Variants in RMST observed in about 807,000 individuals in gnomAD.
RMST encodes the protein rhabdomyosarcoma 2 associated transcript.
intron 11 of RMST, among the ~76,000 whole-genome samples, chr12:97,552,812 C>T (rs1883395983): frequency 6.6e-6 from 1 of 152,158 alleles, no homozygotes; most frequent in African/African-American, 2.4e-5. Context: ...CATTTTAGTG[C>T]CTCTCGAGTT....
chr12:97,527,669 G>A (rs891040944), intron 10 of RMST, among the ~76,000 whole-genome samples: 3 of 119,290 alleles, frequency 2.5e-5, no homozygotes, highest in Admixed American at 8.3e-5. Flanking sequence ...AAAATTGTAC[G>A]ATCTACAGGT....
At chr12:97,507,967 G>A (rs1878880469) in intron 10 of RMST, among the ~76,000 whole-genome samples, 2 of 152,086 alleles carry the variant, frequency 1.3e-5, no homozygotes, top group Non-Finnish European at 2.9e-5. Context: ...CTATGGAAAC[G>A]AAGGCAAAAA....
Position 97,531,394 on chromosome 12 carries a change from A to G in RMST, n.1545+535A>G, listed in dbSNP as rs901811428. Among the ~76,000 whole-genome samples, 18 of 152,070 alleles carry G rather than the reference A, an allele frequency of 1.2e-4. 1 individual carries two copies. The highest frequency in any genetic ancestry group is 1.5e-5 in the Non-Finnish European group (1 of 67,958). On this transcript the variant is annotated intron_variant and non_coding_transcript_variant, in intron 11 of 13. Transcript: ENST00000640149. ...TAAAACAACATTTATAAAGACGACT[A>G]TCTCTTGAAATTATGTTCTATTTTC...
intron 13 of RMST, among the ~76,000 whole-genome samples, chr12:97,562,174 A>G (rs1316520726): frequency 6.6e-6 from 1 of 152,128 alleles, no homozygotes; most frequent in Non-Finnish European, 1.5e-5. Flanking sequence ...GCCCTTCAGT[A>G]CTGATCCAAA....
intron 10 of RMST, among the ~76,000 whole-genome samples, chr12:97,504,179 A>G (rs1002085133): frequency 6.6e-6 from 1 of 152,162 alleles, no homozygotes; most frequent in African/African-American, 2.4e-5. Flanking sequence ...CGAGACAGGC[A>G]GATCACTTGA....
chr12:97,545,209 A>G (rs1882844133), intron 11 of RMST, among the ~76,000 whole-genome samples: 3 of 152,050 alleles, frequency 2.0e-5, no homozygotes, highest in Admixed American at 6.6e-5. Flanking sequence ...AGCAACAATC[A>G]TCATCACCAT....
intron 5 of RMST, among the ~76,000 whole-genome samples, chr12:97,473,148 A>T (rs913367797): frequency 6.6e-6 from 1 of 152,132 alleles, no homozygotes; most frequent in Non-Finnish European, 1.5e-5. Flanking sequence ...GGCTCAGAAT[A>T]TAGGTTCAGA....
chr12:97,505,507 C>T (rs2136492940), intron 10 of RMST, among the ~76,000 whole-genome samples: 1 of 152,380 alleles, frequency 6.6e-6, no homozygotes, highest in South Asian at 2.1e-4. Flanking sequence ...TGAATTCTCA[C>T]TGTGAATCAC....
chr12:97,492,671 A>T (rs1876966086), intron 6 of RMST: 1 of 152,222 alleles, frequency 6.6e-6, no homozygotes, highest in African/African-American at 2.4e-5. Context: ...GTTTGTCAAG[A>T]AAAGTAGAAA....
intron 10 of RMST, among the ~76,000 whole-genome samples, chr12:97,508,480 G>A (rs771348656): frequency 1.3e-5 from 2 of 152,122 alleles, no homozygotes; most frequent in East Asian, 1.9e-4. Flanking sequence ...GAGGAAGAAA[G>A]GTGGTCAGCT....
At chr12:97,495,227 T>A (rs1414832314) in intron 9 of RMST, among the ~76,000 whole-genome samples, 1 of 151,764 alleles carries the variant, frequency 6.6e-6, no homozygotes, top group East Asian at 1.9e-4. Flanking sequence ...CTGGACAAAA[T>A]TTGACTTTTG....
At chr12:97,471,266 C>T (rs924111623) in intron 5 of RMST, among the ~76,000 whole-genome samples, 13 of 151,974 alleles carry the variant, frequency 8.6e-5, no homozygotes, top group African/African-American at 7.2e-5. Context: ...ATATGTGTAG[C>T]GTGTGTTAAT....
chr12:97,497,692 T>C (rs896258033), intron 10 of RMST, among the ~76,000 whole-genome samples: 1 of 151,864 alleles, frequency 6.6e-6, no homozygotes, highest in Non-Finnish European at 1.5e-5. Context: ...TTTTTTTTTT[T>C]GCCTTTCTTT....
At chr12:97,499,437 G>A (rs946003951) in intron 10 of RMST, among the ~76,000 whole-genome samples, 2 of 152,012 alleles carry the variant, frequency 1.3e-5, no homozygotes, top group African/African-American at 2.4e-5. Context: ...GGATTTGAAC[G>A]ATTGGGTTCA....
At chr12:97,480,418 A>T (rs1265478518) in intron 5 of RMST, among the ~76,000 whole-genome samples, 2 of 152,154 alleles carry the variant, frequency 1.3e-5, no homozygotes, top group African/African-American at 4.8e-5. Flanking sequence ...TGCAAGGCTC[A>T]CGATCACTAC....
intron 10 of RMST, among the ~76,000 whole-genome samples, chr12:97,506,868 G>C (rs144618261): frequency 6.6e-6 from 1 of 151,988 alleles, no homozygotes; most frequent in South Asian, 2.1e-4. Flanking sequence ...ATTTTTAGTA[G>C]AGACGGGGTT....
At chr12:97,492,894 A>G (rs1464097214) in intron 6 of RMST, 1 of 152,210 alleles carries the variant, frequency 6.6e-6, no homozygotes, top group Non-Finnish European at 1.5e-5. Context: ...TGGAAATTGA[A>G]CTCAGATAGG....
intron 5 of RMST, among the ~76,000 whole-genome samples, chr12:97,480,473 C>G (rs1405705715): frequency 6.6e-6 from 1 of 152,174 alleles, no homozygotes; most frequent in Non-Finnish European, 1.5e-5. Context: ...TGTTTCATCT[C>G]TTGCTTGGAC....
At chr12:97,521,514 TATAAA>T (rs1381846712) in intron 10 of RMST, among the ~76,000 whole-genome samples, 9 of 152,314 alleles carry the variant, frequency 5.9e-5, no homozygotes, top group East Asian at 1.9e-4. Flanking sequence ...TACACTGAGA[TATAAA>T]ATAAGTATGT....
Sources: gnomAD v4.1 joint callset for allele counts (sites outside exome capture counted in the v4.1 genomes callset) on GRCh38, gnomAD v4.1.1 for gene constraint, MANE v1.5 for transcripts, NCBI Gene and HGNC (gene_info 2026-07-23, HGNC 2026-07-21) for gene names.